The following CSMD3 variants were observed in gnomAD, a reference collection of about 807,000 sequenced individuals.
CSMD3 encodes CUB and Sushi multiple domains 3.
In CSMD3, 177 loss-of-function variants were observed where a neutral mutation model predicts 435.2. The observed-to-expected ratio is 0.41, with a 90% CI of 0.36 to 0.46. The LOEUF is 0.46. Ranked by LOEUF, CSMD3 falls within the 20% of genes least tolerant of loss-of-function variation. The probability of loss-of-function intolerance (pLI) is 0.34; values close to 1 mark genes in which losing one functional copy is unlikely to be tolerated. For synonymous variants in CSMD3, 1,656 were observed against 1,520.5 expected (o/e 1.09, Z -2.07); for missense variants, 4,265 against 4,504.6 (o/e 0.95, Z 1.52).
chr8:112,617,307 G>T (rs1833734947), intron 22 of CSMD3, among the ~76,000 whole-genome samples: 1 of 152,092 alleles, frequency 6.6e-6, no homozygotes, highest in Admixed American at 6.6e-5. Flanking sequence ...TTTCTTATTT[G>T]GGCAAAATAT....
chr8:112,975,934 G>T lies in CSMD3; in HGVS notation c.1245C>A (p.Leu415=), dbSNP rs370973194. The change falls in exon 7 of 71, where the codon CTC becomes CTA. Residue 415 remains leucine, a synonymous_variant. Transcript: ENST00000297405. Reference sequence around the variant, plus strand: ...TTTGTGTATCTGCTGGATGAGGAGAGAGCCCGTCCTTGGACGTGTTGGGGT... The same window carrying T: ...TTTGTGTATCTGCTGGATGAGGAGATAGCCCGTCCTTGGACGTGTTGGGGT... The part of the protein sequence containing the change: ...GLDPNTSKDG[L]SPHPADTQST... The T allele has an allele frequency of 1.9e-6, 3 of 1,613,956 alleles. No homozygotes were observed. In the African/African-American group the frequency reaches 4.0e-5, roughly 22 times the overall value.
chr8:113,390,098 C>T (rs1190216760), intron 1 of CSMD3, among the ~76,000 whole-genome samples: 4 of 151,982 alleles, frequency 2.6e-5, no homozygotes, highest in African/African-American at 9.6e-5. Flanking sequence ...GATGACTCCA[C>T]ATTGTCAATT....
intron 3 of CSMD3, among the ~76,000 whole-genome samples, chr8:113,205,797 CTAAAACA>C (rs1188546673): frequency 1.3e-5 from 2 of 152,144 alleles, no homozygotes; most frequent in Non-Finnish European, 2.9e-5. Flanking sequence ...TAGTGATATA[CTAAAACA>C]TAAAACATAA....
intron 32 of CSMD3, among the ~76,000 whole-genome samples, chr8:112,436,833 G>A (rs1410878664): frequency 1.3e-5 from 2 of 151,926 alleles, no homozygotes; most frequent in African/African-American, 4.8e-5. Context: ...TATATTATTG[G>A]AAATGAAATC....
intron 38 of CSMD3, among the ~76,000 whole-genome samples, chr8:112,358,984 G>T (rs963088062): frequency 6.6e-6 from 1 of 151,930 alleles, no homozygotes; most frequent in African/African-American, 2.4e-5. Context: ...AAAGTAAATG[G>T]TTTTCTGAAA....
At chr8:113,014,829 C>T (rs2086393868) in intron 6 of CSMD3, among the ~76,000 whole-genome samples, 1 of 151,942 alleles carries the variant, frequency 6.6e-6, no homozygotes, top group Admixed American at 6.6e-5. Context: ...CGTGCTCATG[C>T]ACATGTGTGT....
At chr8:112,378,595 G>A (rs551674865) in intron 38 of CSMD3, among the ~76,000 whole-genome samples, 88 of 152,270 alleles carry the variant, frequency 5.8e-4, no homozygotes, top group Non-Finnish European at 9.6e-4. Flanking sequence ...TCACGCATAG[G>A]TGGAAGCTAA....
chr8:112,288,020 G>A (rs558295019), intron 57 of CSMD3, among the ~76,000 whole-genome samples: 3 of 131,708 alleles, frequency 2.3e-5, no homozygotes, highest in East Asian at 2.3e-4. Context: ...GAGAGTGAGC[G>A]AGCTAGAGAG....
At chr8:113,281,283 T>C (rs1269775578) in intron 2 of CSMD3, among the ~76,000 whole-genome samples, 1 of 151,882 alleles carries the variant, frequency 6.6e-6, no homozygotes, top group East Asian at 1.9e-4. Context: ...TCCCCCACTA[T>C]TATTTTGTTG....
chr8:112,308,887 A>G (rs1438809565), intron 50 of CSMD3, among the ~76,000 whole-genome samples: 2 of 152,052 alleles, frequency 1.3e-5, no homozygotes, highest in African/African-American at 4.8e-5. Context: ...AAAATGCAAA[A>G]CAAGTTGAAA....
In CSMD3 at chr8:112,560,124, A is replaced by G. The variant is rs531973514; in HGVS notation, c.4043-3170T>C. ...CATCATTGACTTTCTAGATTGTCAC[A>G]ACATACATAAAGTCACAAGAACTTG... On this transcript the variant is annotated intron_variant, in intron 24 of 70. Transcript: ENST00000297405. Among the ~76,000 whole-genome samples the G allele has an allele frequency of 2.6e-5, 4 of 151,864 alleles. No individual in the cohort carries two copies. The South Asian group carries it at 8.3e-4, about 31-fold the overall frequency.
At chr8:113,084,014 T>C (rs2089663379) in intron 5 of CSMD3, among the ~76,000 whole-genome samples, 1 of 152,106 alleles carries the variant, frequency 6.6e-6, no homozygotes, top group African/African-American at 2.4e-5. Context: ...AATAAAATGA[T>C]ATAGACTGGC....
chr8:112,410,585 C>CATATGTATATATATGTGTATAT (rs1832258709), intron 32 of CSMD3, among the ~76,000 whole-genome samples: 2 of 74,056 alleles, frequency 2.7e-5, no homozygotes, highest in African/African-American at 1.1e-4. Context: ...TATATACATA[C>CATATGTATATATATGTGTATAT]ATATGTATAT....
At chr8:112,807,588 T>C (rs1189221514) in intron 12 of CSMD3, among the ~76,000 whole-genome samples, 1 of 151,706 alleles carries the variant, frequency 6.6e-6, no homozygotes, top group African/African-American at 2.4e-5. Context: ...TTTGGAGAAA[T>C]AGAAGCTTCT....
rs559661367 is a variant in CSMD3 at position 112,792,746 on chromosome 8, T to G, written c.1972+7416A>C. 2.2e-4 allele frequency among the ~76,000 whole-genome samples: 33 copies of G among 152,290 alleles called. No individual in the cohort carries two copies. The East Asian group carries it at 6.4e-3, about 29-fold the overall frequency. On this transcript the variant is annotated intron_variant, in intron 13 of 70. Coordinates refer to ENST00000297405, the MANE Select transcript of CSMD3 (RefSeq NM_198123.2). ...TATTGCATGAGTTAACAGTTAATTTTTTTTGAATGTGGCTATACATCTGTT... is the reference window on the plus strand; with the variant it reads ...TATTGCATGAGTTAACAGTTAATTTGTTTTGAATGTGGCTATACATCTGTT...
intron 24 of CSMD3, among the ~76,000 whole-genome samples, chr8:112,564,695 C>T (rs900426468): frequency 6.6e-6 from 1 of 152,000 alleles, no homozygotes; most frequent in Non-Finnish European, 1.5e-5. Context: ...CACAGGTCTG[C>T]CTTTAATTGG....
intron 5 of CSMD3, among the ~76,000 whole-genome samples, chr8:113,020,169 C>CAAA (rs1163891165): frequency 1.1e-3 from 91 of 84,468 alleles, no homozygotes; most frequent in African/African-American, 1.3e-3. Context: ...GACTCCGTCT[C>CAAA]AAAAAAAAAA....
chr8:112,341,633 C>G lies in CSMD3; in HGVS notation c.6496G>C (p.Glu2166Gln), dbSNP rs2130993247. ...FSTETIHDYL[E>Q]VRSGSSETST... ...GTTTCTGAGGATCCACTTCGTACTTCCAAATAATCATGTATGGTTTCTGTA... is the reference window on the plus strand; with the variant it reads ...GTTTCTGAGGATCCACTTCGTACTTGCAAATAATCATGTATGGTTTCTGTA... The change falls in exon 42 of 71, where the codon GAA becomes CAA. Residue 2166 changes from glutamate to glutamine, a missense_variant. By Grantham distance (29) the Glu-to-Gln change is conservative. Coordinates refer to ENST00000297405, the MANE Select transcript of CSMD3 (RefSeq NM_198123.2). 6.2e-7 allele frequency: 1 copy of G among 1,613,258 alleles called. No homozygotes were observed. Among genetic ancestry groups the G allele is most frequent in the Non-Finnish European group, 8.5e-7 (1 of 1,179,340 alleles).
intron 22 of CSMD3, among the ~76,000 whole-genome samples, chr8:112,623,232 T>G (rs1459094998): frequency 6.6e-6 from 1 of 152,108 alleles, no homozygotes; most frequent in Non-Finnish European, 1.5e-5. Flanking sequence ...AAAAGCCACT[T>G]AAGCCCAAAA....
Sources: gnomAD v4.1 joint callset for allele counts (sites outside exome capture counted in the v4.1 genomes callset) on GRCh38, gnomAD v4.1.1 for gene constraint, MANE v1.5 for transcripts, NCBI Gene and HGNC (gene_info 2026-07-23, HGNC 2026-07-21) for gene names.